HSF2BP: variants seen among roughly 807,000 people sequenced by gnomAD.
HSF2BP encodes heat shock transcription factor 2 binding protein.
In HSF2BP, 35 loss-of-function variants were observed where a neutral mutation model predicts 35.0. The observed-to-expected ratio is 1.00, with a 90% CI of 0.76 to 1.32. The LOEUF is 1.32. Ranked by LOEUF, HSF2BP falls within the 40% of genes most tolerant of loss-of-function variation. The pLI is 0.00. For synonymous variants in HSF2BP, 114 were observed against 117.4 expected, an observed-to-expected ratio of 0.97 and a Z score of 0.18; for missense variants, 326 against 321.7, an observed-to-expected ratio of 1.01 and a Z score of -0.10.
intron 3 of HSF2BP, among the ~76,000 whole-genome samples, chr21:43,655,841 G>GT (rs1370556536): frequency 6.6e-6 from 1 of 152,166 alleles, no homozygotes; most frequent in Non-Finnish European, 1.5e-5. Context: ...GACCAGATAC[G>GT]TTTGCACATG....
chr21:43,655,813 G>A (rs2147133283), intron 3 of HSF2BP, among the ~76,000 whole-genome samples: 1 of 152,264 alleles, frequency 6.6e-6, no homozygotes, highest in South Asian at 2.1e-4. Flanking sequence ...CCTTCTAACT[G>A]GATGTGGCTG....
chr21:43,649,681 T>C (rs550363013), intron 3 of HSF2BP, among the ~76,000 whole-genome samples: 91 of 152,306 alleles, frequency 6.0e-4, no homozygotes, highest in South Asian at 1.9e-3. Flanking sequence ...AGACTGTCAG[T>C]GAATATCTGA....
chr21:43,626,000 G>A (rs1470755808), intron 6 of HSF2BP, among the ~76,000 whole-genome samples: 1 of 152,108 alleles, frequency 6.6e-6, no homozygotes, highest in Non-Finnish European at 1.5e-5. Context: ...AGAAGAAAAC[G>A]CAAATTATTT....
At chr21:43,649,942 T>G (rs2082760319) in intron 3 of HSF2BP, among the ~76,000 whole-genome samples, 1 of 152,228 alleles carries the variant, frequency 6.6e-6, no homozygotes, top group Admixed American at 6.5e-5. Flanking sequence ...CTAGGTGAAC[T>G]ACTTCAAAAC....
chr21:43,657,361 G>A (rs1296646683), intron 2 of HSF2BP, among the ~76,000 whole-genome samples: 2 of 152,160 alleles, frequency 1.3e-5, no homozygotes, highest in African/African-American at 4.8e-5. Flanking sequence ...CCACGAAAAA[G>A]AAAAGTCATA....
chr21:43,642,553 G>A (rs773605559), intron 4 of HSF2BP, among the ~76,000 whole-genome samples: 7 of 152,052 alleles, frequency 4.6e-5, no homozygotes, highest in Non-Finnish European at 1.0e-4. Context: ...CACCTTGCAG[G>A]AGCTTCCCTC....
At chr21:43,575,269 C>T (rs1395197812) in intron 8 of HSF2BP, among the ~76,000 whole-genome samples, 1 of 152,246 alleles carries the variant, frequency 6.6e-6, no homozygotes, top group African/African-American at 2.4e-5. Flanking sequence ...GCATGCTCGC[C>T]TTTCGAGGTG....
intron 5 of HSF2BP, 42 bp from the exon 6 acceptor site, chr21:43,630,496 A>G: frequency 6.3e-7 from 1 of 1,577,200 alleles, no homozygotes; most frequent in Non-Finnish European, 8.6e-7. Flanking sequence ...TTTTACAGAC[A>G]CTAGTGTGAA....
At chr21:43,647,418 A>T (rs2082722916) in intron 3 of HSF2BP, among the ~76,000 whole-genome samples, 1 of 151,968 alleles carries the variant, frequency 6.6e-6, no homozygotes, top group Non-Finnish European at 1.5e-5. Context: ...TTTAGTAGAG[A>T]TGGGGTTTCA....
chr21:43,644,460 GC>G, intron 3 of HSF2BP, 68 bp from the exon 4 acceptor site: 1 of 1,274,046 alleles, frequency 7.8e-7, no homozygotes, highest in Non-Finnish European at 1.1e-6. Flanking sequence ...CATCTATTTT[GC>G]CCAGTCTTGA....
chr21:43,646,408 T>C (rs1406697673), intron 3 of HSF2BP, among the ~76,000 whole-genome samples: 2 of 152,210 alleles, frequency 1.3e-5, no homozygotes, highest in Non-Finnish European at 2.9e-5. Context: ...ACTACAATCA[T>C]ATGAAATACC....
Position 43,597,266 on chromosome 21 carries a change from G to A in HSF2BP, c.693-4938C>T, listed in dbSNP as rs2081999027. ...TCAGGCAAAGCTGACAGCCAGCTAG[G>A]ACACACATAATTCCCTTCAGGAAAA... is the stretch of plus-strand genomic sequence containing the variant. On this transcript the variant is annotated intron_variant, in intron 7 of 8. Transcript: ENST00000291560. This position sits in a 1 kb window ranked among gnomAD's most constrained non-coding sequence, Gnocchi z 4.3. Among the ~76,000 whole-genome samples the A allele has an allele frequency of 6.6e-6, 1 of 152,254 alleles. No individual in the cohort carries two copies. Among genetic ancestry groups the A allele is most frequent in the South Asian group, 2.1e-4 (1 of 4,818 alleles).
At position 43,634,274 on chromosome 21, in the gene HSF2BP, A is replaced by G. The variant is rs576227134; in HGVS notation, c.292-853T>C. ...GGCCGTCCTGATGGCCCTCCTGACA[A>G]CACAAGCACACTTCGAGGATTCACC... On this transcript the variant is annotated intron_variant, in intron 4 of 8. Transcript: ENST00000291560. 3.3e-5 allele frequency among the ~76,000 whole-genome samples: 5 copies of G among 152,294 alleles called. No individual in the cohort carries two copies. The South Asian group carries it at 6.2e-4, about 19-fold the overall frequency.
rs778783193 is a variant in HSF2BP, at chr21:43,656,736, T to C, written c.38A>G (p.His13Arg). 4 of 1,609,150 alleles carry C rather than the reference T, an allele frequency of 2.5e-6. No homozygotes were observed. The African/African-American group carries it at 5.4e-5, about 22-fold the overall frequency. ...EAGAAEEACR[H>R]MGTKEEFVKV... Reference sequence around the variant, plus strand: ...AACAAATTCCTCTTTAGTTCCCATGTGCTAAAAGAACAAGCAGATCTTATT... The same window carrying C: ...AACAAATTCCTCTTTAGTTCCCATGCGCTAAAAGAACAAGCAGATCTTATT... Residue 13 changes from histidine to arginine, a missense_variant and splice_region_variant, in exon 3 of 9, where the codon CAC becomes CGC. His to Arg is a conservative substitution (Grantham distance 29). Transcript: ENST00000291560.
intron 3 of HSF2BP, among the ~76,000 whole-genome samples, chr21:43,645,341 T>C (rs539446319): frequency 6.6e-6 from 1 of 152,306 alleles, no homozygotes; most frequent in South Asian, 2.1e-4. Context: ...AGAATTTACA[T>C]TTCTAACAAG....
chr21:43,583,551 A>G (rs1389293094), intron 8 of HSF2BP, among the ~76,000 whole-genome samples: 9 of 103,740 alleles, frequency 8.7e-5, no homozygotes, highest in South Asian at 4.0e-4. Flanking sequence ...GGAGATGAGG[A>G]CCTGCTGAGG....
chr21:43,614,405 A>C (rs544866857), intron 6 of HSF2BP, among the ~76,000 whole-genome samples: 1 of 152,204 alleles, frequency 6.6e-6, no homozygotes, highest in African/African-American at 2.4e-5. Flanking sequence ...GACAGCTCAG[A>C]AAGAATCACT....
At chr21:43,604,668 CA>C (rs2082104083) in intron 7 of HSF2BP, among the ~76,000 whole-genome samples, 1 of 123,246 alleles carries the variant, frequency 8.1e-6, no homozygotes, top group African/African-American at 3.8e-5. Flanking sequence ...CACACACACA[CA>C]CCACCACACA....
At chr21:43,652,169 A>G (rs1208993484) in intron 3 of HSF2BP, among the ~76,000 whole-genome samples, 1 of 152,128 alleles carries the variant, frequency 6.6e-6, no homozygotes, top group African/African-American at 2.4e-5. Flanking sequence ...TTGGGAGGCC[A>G]AGGCGGGCAG....
Sources: gnomAD v4.1 joint callset for allele counts (sites outside exome capture counted in the v4.1 genomes callset) on GRCh38, gnomAD v4.1.1 for gene constraint, Gnocchi (gnomAD v3.1) non-coding constraint, MANE v1.5 for transcripts, NCBI Gene and HGNC (gene_info 2026-07-23, HGNC 2026-07-21) for gene names.